Variants in TCHH observed in about 807,000 individuals in gnomAD.
TCHH encodes trichohyalin.
TCHH carries 6 observed loss-of-function variants against 6.3 expected under a neutral mutation model. The ratio of observed to expected loss-of-function variants is 0.95; its 90% CI spans 0.52 to 1.88. The LOEUF (loss-of-function observed/expected upper bound fraction) is 1.88. Among genes scored for constraint, TCHH ranks in the 40% most tolerant of loss-of-function variants. The pLI is 0.01. For synonymous variants in TCHH, 1,087 were observed against 963.6 expected (o/e 1.13, Z -2.37); for missense variants, 2,920 against 2,449.1 (o/e 1.19, Z -4.06).
chr1:152,106,698 T>C lies in TCHH; in HGVS notation c.*687A>G, dbSNP rs1459731650. ...TGAGAAACACCTCATTATTTCTTCA[T>C]GAGATTATGTGTTTAAGTGGAGTTG... On this transcript the variant is annotated 3_prime_UTR_variant, in exon 3 of 3. Transcript: ENST00000614923. 4 of 152,036 alleles carry C rather than the reference T, an allele frequency of 2.6e-5. No homozygotes were observed. The highest frequency in any genetic ancestry group is 5.9e-5 in the Non-Finnish European group (4 of 67,952). The allele number at this position is 152,036 out of a possible 1,614,324, so 9.4% of individuals were successfully genotyped here. A position where few individuals can be genotyped will look rare whatever the true frequency, so the allele number is the denominator to read the frequency against.
At position 152,108,094 on chromosome 1, in the gene TCHH, T is replaced by G. The variant is rs756546969; in HGVS notation, c.5123A>C (p.Lys1708Thr). The change falls in exon 3 of 3, where the codon AAA (lysine) becomes ACA (threonine). Residue 1708 changes from lysine (K) to threonine (T), a missense_variant. By Grantham distance (78) the Lys-to-Thr change is moderately conservative. Transcript: ENST00000614923. Reference protein sequence around the residue: ...QQLRRQERERKFLQEEQQLRR... With the variant: ...QQLRRQERERTFLQEEQQLRR... ...CAGCTGCTGTTCCTCCTGGAGGAAT[T>G]TTCTCTCTCGTTCCTGACGGCGGAG... 1 of 1,609,078 alleles carries G rather than the reference T, an allele frequency of 6.2e-7. No homozygotes were observed. The highest frequency in any genetic ancestry group is 1.4e-5 in the African/African-American group (1 of 72,874).
chr1:152,111,823 T>G lies in TCHH; in HGVS notation c.1394A>C (p.Glu465Ala). The change falls in exon 3 of 3, where the codon GAG becomes GCG. Residue 465 changes from glutamate to alanine, a missense_variant. Coordinates refer to ENST00000614923, the MANE Select transcript of TCHH (RefSeq NM_007113.4). ...RDWLKREEET[E>A]RHEQERRKQQ... is the part of the protein sequence containing the mutation. ...CTTGCGCCTCTCCTGCTCGTGCCTC[T>G]CCGTCTCCTCCTCGCGCTTCAGCCA... is the stretch of plus-strand genomic sequence containing the variant. 4 of 1,527,228 alleles carry G rather than the reference T, an allele frequency of 2.6e-6. No individual in the cohort carries two copies. Among genetic ancestry groups the G allele is most frequent in the Non-Finnish European group, 2.6e-6 (3 of 1,134,358 alleles). 94.6% of individuals were successfully genotyped at this position (1,527,228 alleles called of 1,614,324 possible). A position where few individuals can be genotyped will look rare whatever the true frequency, so the allele number is the denominator to read the frequency against.
Position 152,110,455 on chromosome 1 carries a change from C to G in TCHH, c.2762G>C (p.Arg921Thr). The change falls in exon 3 of 3, where the codon AGA (arginine) becomes ACA (threonine). Residue 921 changes from arginine (R) to threonine (T), a missense_variant. By Grantham distance (71) the Arg-to-Thr change is moderately conservative (BLOSUM62 -1). Transcript: ENST00000614923. ...TTGTCTCTCCTGTTCTTGGCGCCTT[C>G]TCTTCTCGCGCTCCTCTCTCTGTAG... The part of the protein sequence containing the change: ...EELQREEREK[R>T]RRQEQERQYR... 9.3e-6 allele frequency: 15 copies of G among 1,614,172 alleles called. No individual in the cohort carries two copies. Among genetic ancestry groups the G allele is most frequent in the Non-Finnish European group, 1.3e-5 (15 of 1,180,030 alleles).
Position 152,108,111 on chromosome 1 carries a change from A to T in TCHH, c.5106T>A (p.Arg1702=), listed in dbSNP as rs1229875524. The T allele has an allele frequency of 6.4e-7, 1 of 1,560,956 alleles. No individual in the cohort carries two copies. Among genetic ancestry groups the T allele is most frequent in the Admixed American group, 1.9e-5 (1 of 54,034 alleles). ...KFREEEQQLR[R]QERERKFLQE... ...GGAGGAATTTTCTCTCTCGTTCCTG[A>T]CGGCGGAGCTGCTGTTCCTCTTCGC... Residue 1702 remains arginine (R), a synonymous_variant, in exon 3 of 3, where the codon CGT becomes CGA. Coordinates refer to ENST00000614923, the MANE Select transcript of TCHH (RefSeq NM_007113.4).
rs1470808221 is a variant in TCHH at position 152,107,905 on chromosome 1, C to T, written c.5312G>A (p.Arg1771Lys). 1.9e-6 allele frequency: 3 copies of T among 1,614,008 alleles called. No homozygotes were observed. Among genetic ancestry groups the T allele is most frequent in the South Asian group, 1.1e-5 (1 of 91,080 alleles). The change falls in exon 3 of 3, where the codon AGA becomes AAA. Residue 1771 changes from arginine to lysine, a missense_variant. Physicochemically the swap from Arg to Lys is conservative, Grantham distance 26. Coordinates refer to ENST00000614923, the MANE Select transcript of TCHH (RefSeq NM_007113.4). ...EQQLRRQERD[R>K]KFREEEQLRQ... ...GAGCTGTTCCTCCTCGCGGAATTTT[C>T]TGTCGCGCTCCTGGCGGCGCAGCTG...
At position 152,113,010 on chromosome 1, in the gene TCHH, G is replaced by A; in HGVS notation, c.207C>T (p.Val69=). The stretch of plus-strand genomic sequence containing the variant: ...TAAATAGGAGGAATTCGTTGAAATC[G>A]ACACGCCCATTACTGTCAAGATCCA... ...ELLDLDSNGR[V]DFNEFLLFIF... The change falls in exon 3 of 3, where the codon GTC becomes GTT. Residue 69 remains valine, a synonymous_variant. Coordinates refer to ENST00000614923, the MANE Select transcript of TCHH (RefSeq NM_007113.4). 1 of 1,613,982 alleles carries A rather than the reference G, an allele frequency of 6.2e-7. No homozygotes were observed. Among genetic ancestry groups the A allele is most frequent in the Non-Finnish European group, 8.5e-7 (1 of 1,180,020 alleles).
At position 152,110,831 on chromosome 1, in the gene TCHH, TCTCCCGCTG is replaced by T; in HGVS notation, c.2377_2385del (p.Gln793_Glu795del). On this transcript the variant is annotated inframe_deletion, in exon 3 of 3. Transcript: ENST00000614923. ...TGGCGCTCCTCGGCCCTCAGCTGCC[TCTCCCGCTG>T]CTCCCGCAATGGGGGCCTGGCCGAC... 1 of 1,609,146 alleles carries T rather than the reference TCTCCCGCTG, an allele frequency of 6.2e-7. No homozygotes were observed. Among genetic ancestry groups the T allele is most frequent in the East Asian group, 2.2e-5 (1 of 44,810 alleles).
At position 152,107,488 on chromosome 1, in the gene TCHH, C is replaced by A. The variant is rs1282792918; in HGVS notation, c.5729G>T (p.Gly1910Val). 6.2e-7 allele frequency: 1 copy of A among 1,614,212 alleles called. No homozygotes were observed. Among genetic ancestry groups the A allele is most frequent in the Non-Finnish European group, 8.5e-7 (1 of 1,180,038 alleles). ...EIKSQEGKGH[G>V]RLLEPGTHQF... ...ATGAGTGCCGGGCTCCAGAAGCCGCCCATGGCCCTTCCCTTCTTGGGATTT... is the reference window on the plus strand; with the variant it reads ...ATGAGTGCCGGGCTCCAGAAGCCGCACATGGCCCTTCCCTTCTTGGGATTT... The change falls in exon 3 of 3, where the codon GGG becomes GTG. Residue 1910 changes from glycine to valine, a missense_variant. Coordinates refer to ENST00000614923, the MANE Select transcript of TCHH (RefSeq NM_007113.4).
chr1:152,107,756 ACT>A lies in TCHH; in HGVS notation c.5459_5460del (p.Lys1820IlefsTer11). 1 of 1,614,142 alleles carries A rather than the reference ACT, an allele frequency of 6.2e-7. No homozygotes were observed. The highest frequency in any genetic ancestry group is 8.5e-7 in the Non-Finnish European group (1 of 1,180,038). ...TGGAGCTGCTCTTCTTCCCAGCGAT[ACT>A]TTCCGTCACGCTGTTGGGGGCGCAG... Reference protein sequence around the residue: ...QQLRPQQRDGKYRWEEEQLQL... With the variant: ...QQLRPQQRDGXYRWEEEQLQL... On this transcript the variant is annotated frameshift_variant, in exon 3 of 3. Transcript: ENST00000614923. LOFTEE classifies it low-confidence loss of function (END_TRUNC).
chr1:152,110,679 G>C lies in TCHH; in HGVS notation c.2538C>G (p.Ala846=). ...CGTCCTCCTCCTCCTGGAGCTGTTG[G>C]GCACGCTCCCGCCGCTGGAGCTGCT... ...EEEQLQRRER[A]QQLQEEEDGL... Residue 846 remains alanine, a synonymous_variant, in exon 3 of 3, where the codon GCC becomes GCG. Coordinates refer to ENST00000614923, the MANE Select transcript of TCHH (RefSeq NM_007113.4). The C allele has an allele frequency of 1.2e-6, 2 of 1,612,768 alleles. No individual in the cohort carries two copies. The highest frequency in any genetic ancestry group is 1.3e-5 in the African/African-American group (1 of 74,912).
rs148650787 is a variant in TCHH, at chr1:152,110,325, C to T, written c.2892G>A (p.Lys964=). The T allele has an allele frequency of 6.4e-4, 1,031 of 1,610,672 alleles. 5 individuals are homozygous for T. The highest frequency in any genetic ancestry group is 3.5e-4 in the Non-Finnish European group (412 of 1,178,686). ...GCTGCTCTTCCTTCTGCTGCAGCTT[C>T]TTATCCTTCCGATATTGCCTTTCCC... ...QERERQYRKD[K]KLQQKEEQLL... is the part of the protein sequence containing the mutation. The change falls in exon 3 of 3, where the codon AAG becomes AAA. Residue 964 remains lysine (K), a synonymous_variant. Coordinates refer to ENST00000614923, the MANE Select transcript of TCHH (RefSeq NM_007113.4).
In TCHH at chr1:152,107,329, T is replaced by C; in HGVS notation, c.*56A>G. 1.4e-6 allele frequency: 2 copies of C among 1,473,874 alleles called. No homozygotes were observed. Among genetic ancestry groups the C allele is most frequent in the Non-Finnish European group, 1.8e-6 (2 of 1,099,516 alleles). 91.3% of individuals were successfully genotyped at this position (1,473,874 alleles called of 1,614,324 possible). ...TGAGTTATCACTTGGTACCCAGTGTTTCTCATTTTCCCGTGCTCGAAGCTT... is the reference window on the plus strand; with the variant it reads ...TGAGTTATCACTTGGTACCCAGTGTCTCTCATTTTCCCGTGCTCGAAGCTT... On this transcript the variant is annotated 3_prime_UTR_variant, in exon 3 of 3. Coordinates refer to ENST00000614923, the MANE Select transcript of TCHH (RefSeq NM_007113.4).
chr1:152,110,992 C>G lies in TCHH; in HGVS notation c.2225G>C (p.Arg742Pro). 6.2e-7 allele frequency: 1 copy of G among 1,613,344 alleles called. No homozygotes were observed. The highest frequency in any genetic ancestry group is 8.5e-7 in the Non-Finnish European group (1 of 1,179,978). ...RQEQEEKRRR[R>P]ESELQWQEEE... ...CTCCTGCCATTGCAGCTCACTCTCCCGGCGCCGCCTCTTTTCCTCCTGCTC... is the reference window on the plus strand; with the variant it reads ...CTCCTGCCATTGCAGCTCACTCTCCGGGCGCCGCCTCTTTTCCTCCTGCTC... The change falls in exon 3 of 3, where the codon CGG becomes CCG. Residue 742 changes from arginine (R) to proline (P), a missense_variant. By Grantham distance (103) the Arg-to-Pro change is moderately radical (BLOSUM62 -2). Transcript: ENST00000614923.
In TCHH at chr1:152,112,349, G is replaced by T; in HGVS notation, c.868C>A (p.Arg290Ser). 6.2e-7 allele frequency: 1 copy of T among 1,613,072 alleles called. No individual in the cohort carries two copies. The highest frequency in any genetic ancestry group is 8.5e-7 in the Non-Finnish European group (1 of 1,179,970). ...TGCTGCTGCTGCTCTTCCTCCTGGCGCTCCCTCCTCAGCTCTTGCCGCTCC... is the reference window on the plus strand; with the variant it reads ...TGCTGCTGCTGCTCTTCCTCCTGGCTCTCCCTCCTCAGCTCTTGCCGCTCC... Reference protein sequence around the residue: ...KLERQELRRERQEEEQQQQRL... With the variant: ...KLERQELRRESQEEEQQQQRL... The change falls in exon 3 of 3, where the codon CGC becomes AGC. Residue 290 changes from arginine (R) to serine (S), a missense_variant. Coordinates refer to ENST00000614923, the MANE Select transcript of TCHH (RefSeq NM_007113.4).
In TCHH at chr1:152,108,960, C is replaced by G; in HGVS notation, c.4257G>C (p.Glu1419Asp). 1.2e-6 allele frequency: 2 copies of G among 1,613,356 alleles called. No homozygotes were observed. Among genetic ancestry groups the G allele is most frequent in the Non-Finnish European group, 1.7e-6 (2 of 1,179,848 alleles). ...GCTCTTGGCGGCTCAGCTGCTGTTC[C>G]TCCTCGCGGAATTTTCTGTCGCGGT... The part of the protein sequence containing the change: ...RQDRDRKFRE[E>D]EQQLSRQERD... Residue 1419 changes from glutamate (E) to aspartate (D), a missense_variant, in exon 3 of 3, where the codon GAG becomes GAC. Coordinates refer to ENST00000614923, the MANE Select transcript of TCHH (RefSeq NM_007113.4).
At position 152,109,838 on chromosome 1, in the gene TCHH, C is replaced by T; in HGVS notation, c.3379G>A (p.Glu1127Lys). ...TCCTGGCGCCTTCTCTTCTCCCGTTCCTCTCTCAGCAGCTGCTCTTCCTCC... is the reference window on the plus strand; with the variant it reads ...TCCTGGCGCCTTCTCTTCTCCCGTTTCTCTCTCAGCAGCTGCTCTTCCTCC... The part of the protein sequence containing the change: ...QQEEEQLLRE[E>K]REKRRRQELE... The change falls in exon 3 of 3, where the codon GAA becomes AAA. Residue 1127 changes from glutamate to lysine, a missense_variant. Transcript: ENST00000614923. 3.7e-6 allele frequency: 6 copies of T among 1,611,684 alleles called. 1 individual carries two copies. The African/African-American group carries it at 5.4e-5, about 14-fold the overall frequency.
Position 152,107,434 on chromosome 1 carries a change from C to G in TCHH, c.5783G>C (p.Ser1928Thr). Residue 1928 changes from serine to threonine, a missense_variant, in exon 3 of 3, where the codon AGC becomes ACC. Transcript: ENST00000614923. ...CTCTTGGATGTACTCATAGAGAGGG[C>G]TGGAGCGCACTGGGACACTGGCAAA... is the stretch of plus-strand genomic sequence containing the variant. ...HQFASVPVRS[S>T]PLYEYIQEQR... 5 of 1,611,314 alleles carry G rather than the reference C, an allele frequency of 3.1e-6. No individual in the cohort carries two copies. The highest frequency in any genetic ancestry group is 4.2e-6 in the Non-Finnish European group (5 of 1,178,516).
rs367896460 is a variant in TCHH at position 152,108,113 on chromosome 1, G to A, written c.5104C>T (p.Arg1702Cys). 1.2e-5 allele frequency: 19 copies of A among 1,609,606 alleles called. No individual in the cohort carries two copies. In the East Asian group the frequency reaches 2.5e-4, roughly 21 times the overall value. ...KFREEEQQLR[R>C]QERERKFLQE... ...AGGAATTTTCTCTCTCGTTCCTGAC[G>A]GCGGAGCTGCTGTTCCTCTTCGCGG... The change falls in exon 3 of 3, where the codon CGT (arginine) becomes TGT (cysteine). Residue 1702 changes from arginine to cysteine, a missense_variant. Arg to Cys is a radical substitution (Grantham distance 180). Transcript: ENST00000614923.
rs1658211695 is a variant in TCHH, at chr1:152,108,835, C to A, written c.4382G>T (p.Arg1461Ile). 3 of 1,607,964 alleles carry A rather than the reference C, an allele frequency of 1.9e-6. No individual in the cohort carries two copies. Among genetic ancestry groups the A allele is most frequent in the Non-Finnish European group, 2.5e-6 (3 of 1,178,750 alleles). ...EEQQLRQERH[R>I]KFREEEQLLQ... is the part of the protein sequence containing the mutation. ...CAGCTGTTCCTCTTCGCGGAATTTT[C>A]TGTGACGCTCCTGGCGCAGCTGCTG... Residue 1461 changes from arginine (R) to isoleucine (I), a missense_variant, in exon 3 of 3, where the codon AGA (arginine) becomes ATA (isoleucine). Physicochemically the swap from Arg to Ile is moderately conservative, Grantham distance 97. Coordinates refer to ENST00000614923, the MANE Select transcript of TCHH (RefSeq NM_007113.4).
Sources: gnomAD v4.1 joint callset for allele counts on GRCh38, gnomAD v4.1.1 for gene constraint, MANE v1.5 for transcripts, NCBI Gene and HGNC (gene_info 2026-07-23, HGNC 2026-07-21) for gene names.